DCDC1: variants seen among roughly 807,000 people sequenced by gnomAD.
DCDC1 encodes doublecortin domain containing 1.
A neutral mutation model predicts 178.3 loss-of-function variants in DCDC1; 200 were observed. That is an observed-to-expected ratio of 1.12 (90% confidence interval 1.00 to 1.26). The LOEUF is 1.26. Among genes scored for constraint, DCDC1 ranks in the 50% most tolerant of loss-of-function variants. The pLI is 0.00. For missense variants in DCDC1, 1,983 were observed against 1,749.2 expected, an observed-to-expected ratio of 1.13 and a Z score of -2.38; for synonymous variants, 690 against 604.8, an observed-to-expected ratio of 1.14 and a Z score of -2.07.
chr11:31,127,027 T>C (rs537178553), intron 11 of DCDC1, among the ~76,000 whole-genome samples: 1 of 152,306 alleles, frequency 6.6e-6, no homozygotes, highest in South Asian at 2.1e-4. Flanking sequence ...ACAGATGCTT[T>C]TCCTTGGAAA....
At chr11:31,233,305 C>T (rs1976047315) in intron 9 of DCDC1, among the ~76,000 whole-genome samples, 1 of 152,150 alleles carries the variant, frequency 6.6e-6, no homozygotes. Context: ...TATTTTTATA[C>T]TGATAAGCAT....
At chr11:31,272,737 C>A (rs184513690) in intron 7 of DCDC1, among the ~76,000 whole-genome samples, 28 of 152,360 alleles carry the variant, frequency 1.8e-4, no homozygotes, top group Non-Finnish European at 3.8e-4. Context: ...TGGTCTTGGG[C>A]AGTTCTACTC....
rs1192173712 is a variant in DCDC1 at position 30,899,638 on chromosome 11, CAAAGCTAGAAT to C, written c.4664-7_4667del. 1 of 1,545,674 alleles carries C rather than the reference CAAAGCTAGAAT, an allele frequency of 6.5e-7. No homozygotes were observed. Among genetic ancestry groups the C allele is most frequent in the Non-Finnish European group, 8.7e-7 (1 of 1,145,288 alleles). ...GTTTCTCTAATTTTTCTGCTTTCTGCAAAGCTAGAATAATAAAAATACAAGATATTTTATCA... is the reference window on the plus strand; with the variant it reads ...GTTTCTCTAATTTTTCTGCTTTCTGCAATAAAAATACAAGATATTTTATCA... On this transcript the variant is annotated splice_acceptor_variant and splice_polypyrimidine_tract_variant and coding_sequence_variant and intron_variant, in exon 34 of 39. Coordinates refer to ENST00000684477, the MANE Select transcript of DCDC1 (RefSeq NM_001387274.1). LOFTEE classifies it high-confidence loss of function.
chr11:31,172,628 T>G (rs1309865688), intron 9 of DCDC1, among the ~76,000 whole-genome samples: 1 of 152,192 alleles, frequency 6.6e-6, no homozygotes, highest in East Asian at 1.9e-4. Flanking sequence ...TAACTCATAT[T>G]TTTAGTGTTT....
rs34334567 is a variant in DCDC1, at chr11:30,944,959, CTTTTTTTTTTTTTTT to C, written c.2715+7471_2715+7485del. Among the ~76,000 whole-genome samples the C allele has an allele frequency of 3.2e-3, 207 of 65,528 alleles. 3 individuals are homozygous for C. The highest frequency in any genetic ancestry group is 0.012 in the African/African-American group (183 of 15,840). The allele number at this position is 65,528 out of a possible 152,430, so 43.0% of individuals were successfully genotyped here. On this transcript the variant is annotated intron_variant, in intron 21 of 38. Coordinates refer to ENST00000684477, the MANE Select transcript of DCDC1 (RefSeq NM_001387274.1). ...AATCACAGACCATCAACAAAAATGT[CTTTTTTTTTTTTTTT>C]TTTTTTTTTTTTGAGACGGAGTCTC...
At chr11:30,981,020 AAAATT>A (rs1262280934) in intron 20 of DCDC1, among the ~76,000 whole-genome samples, 1 of 152,232 alleles carries the variant, frequency 6.6e-6, no homozygotes, top group African/African-American at 2.4e-5. Flanking sequence ...ATAAAAAAAT[AAAATT>A]ATGTCTTTTG....
chr11:30,900,323 G>A (rs1277483757), intron 33 of DCDC1, 23 bp downstream of exon 33: 10 of 1,490,976 alleles, frequency 6.7e-6, no homozygotes, highest in South Asian at 1.4e-5. Context: ...TTGCTTGAAA[G>A]AAAGCAAAAA....
intron 7 of DCDC1, among the ~76,000 whole-genome samples, chr11:31,267,193 A>ATTT (rs397848314): frequency 1.4e-5 from 2 of 147,598 alleles, no homozygotes. Context: ...TGTTATAGGA[A>ATTT]TTTTTTTTTT....
At chr11:30,926,683 C>A (rs545544976) in intron 22 of DCDC1, among the ~76,000 whole-genome samples, 4 of 152,192 alleles carry the variant, frequency 2.6e-5, no homozygotes, top group African/African-American at 7.2e-5. Context: ...ATAAAGTTGA[C>A]TTTATGCTCA....
intron 2 of DCDC1, among the ~76,000 whole-genome samples, chr11:31,333,522 G>T (rs185411360): frequency 1.3e-5 from 2 of 152,304 alleles, no homozygotes; most frequent in South Asian, 2.1e-4. Context: ...GGTACTGGTT[G>T]TTTCTTTACA....
intron 32 of DCDC1, among the ~76,000 whole-genome samples, chr11:30,901,723 G>C (rs1000551108): frequency 6.6e-6 from 1 of 152,084 alleles, no homozygotes; most frequent in Non-Finnish European, 1.5e-5. Context: ...TTAAAGAAGA[G>C]TGTTTGAAAT....
intron 21 of DCDC1, among the ~76,000 whole-genome samples, chr11:30,948,895 A>G (rs1428649671): frequency 2.6e-5 from 4 of 152,250 alleles, no homozygotes; most frequent in African/African-American, 9.6e-5. Context: ...CTAACACCAT[A>G]AAAACCCTAG....
intron 3 of DCDC1, among the ~76,000 whole-genome samples, chr11:31,325,462 AG>A (rs1463120695): frequency 6.6e-6 from 1 of 152,120 alleles, no homozygotes; most frequent in Admixed American, 6.6e-5. Flanking sequence ...TGGTATAATA[AG>A]CTGAAAACAT....
At chr11:31,120,482 C>A (rs1419150445) in intron 11 of DCDC1, among the ~76,000 whole-genome samples, 1 of 152,096 alleles carries the variant, frequency 6.6e-6, no homozygotes, top group African/African-American at 2.4e-5. Context: ...TGCCAACACT[C>A]CATTGATTTG....
intron 9 of DCDC1, among the ~76,000 whole-genome samples, chr11:31,207,149 T>C (rs893378315): frequency 6.6e-6 from 1 of 152,174 alleles, no homozygotes; most frequent in African/African-American, 2.4e-5. Context: ...CACAATGAGA[T>C]AATAATAGAA....
chr11:31,020,868 A>T lies in DCDC1; in HGVS notation c.2591+43601T>A, dbSNP rs116787632. On this transcript the variant is annotated intron_variant, in intron 20 of 38. Coordinates refer to ENST00000684477, the MANE Select transcript of DCDC1 (RefSeq NM_001387274.1). ...ATCCAGGAAAAATATTTGTAACTCAAATCACAAAGGGGTGACTTCCCATTA... is the reference window on the plus strand; with the variant it reads ...ATCCAGGAAAAATATTTGTAACTCATATCACAAAGGGGTGACTTCCCATTA... Among the ~76,000 whole-genome samples, 1,400 of 152,344 alleles carry T rather than the reference A, an allele frequency of 9.2e-3. 33 individuals carry two copies. The highest frequency in any genetic ancestry group is 0.031 in the African/African-American group (1,303 of 41,570).
At chr11:31,062,397 G>A (rs565634872) in intron 20 of DCDC1, among the ~76,000 whole-genome samples, 23 of 152,218 alleles carry the variant, frequency 1.5e-4, no homozygotes, top group African/African-American at 5.1e-4. Context: ...TTCCCCAAGG[G>A]AATTACATTC....
At chr11:30,971,078 C>T (rs1312285811) in intron 20 of DCDC1, among the ~76,000 whole-genome samples, 4 of 152,202 alleles carry the variant, frequency 2.6e-5, no homozygotes, top group Non-Finnish European at 5.9e-5. Flanking sequence ...CCACAACTAA[C>T]AACTCCATCC....
chr11:31,354,044 T>C (rs1309965003), intron 1 of DCDC1, among the ~76,000 whole-genome samples: 1 of 152,088 alleles, frequency 6.6e-6, no homozygotes, highest in Non-Finnish European at 1.5e-5. Context: ...TCCCAGCACT[T>C]TGGGAGGCCA....
Sources: allele counts gnomAD v4.1 joint callset (sites outside exome capture counted in the v4.1 genomes callset), GRCh38; gene constraint gnomAD v4.1.1; transcripts MANE v1.5; gene names NCBI Gene and HGNC (gene_info 2026-07-23, HGNC 2026-07-21).